Variants in NR2F1-AS1 observed in about 807,000 individuals in gnomAD.
The protein encoded by NR2F1-AS1 is NR2F1 regulatory antisense RNA 1.
intron 4 of NR2F1-AS1, among the ~76,000 whole-genome samples, chr5:93,461,607 AGAGT>A (rs1209842990): frequency 2.0e-5 from 3 of 152,246 alleles, no homozygotes; most frequent in Non-Finnish European, 4.4e-5. Flanking sequence ...CTGATGTTGT[AGAGT>A]GAGATGTAGT....
At chr5:93,437,853 C>T (rs188020073) in intron 4 of NR2F1-AS1, among the ~76,000 whole-genome samples, 1 of 152,244 alleles carries the variant, frequency 6.6e-6, no homozygotes, top group East Asian at 1.9e-4. Context: ...TCCTTCAAAA[C>T]AGCTTATTAT....
intron 4 of NR2F1-AS1, among the ~76,000 whole-genome samples, chr5:93,500,507 T>C (rs1751056950): frequency 6.6e-6 from 1 of 152,168 alleles, no homozygotes; most frequent in South Asian, 2.1e-4. Flanking sequence ...GTACTGCTCA[T>C]TAACAATGCA....
At chr5:93,464,240 A>C (rs538242046) in intron 4 of NR2F1-AS1, among the ~76,000 whole-genome samples, 11 of 152,128 alleles carry the variant, frequency 7.2e-5, no homozygotes, top group Non-Finnish European at 1.6e-4. Flanking sequence ...GGGGAGTTTC[A>C]CTGCACAAGC....
At chr5:93,483,722 C>T (rs891018385) in intron 4 of NR2F1-AS1, among the ~76,000 whole-genome samples, 2 of 152,132 alleles carry the variant, frequency 1.3e-5, no homozygotes, top group African/African-American at 2.4e-5. Flanking sequence ...AGACGAATTG[C>T]TAACTAGAAT....
At chr5:93,439,942 G>A (rs140595138) in intron 4 of NR2F1-AS1, among the ~76,000 whole-genome samples, 194 of 152,210 alleles carry the variant, frequency 1.3e-3, no homozygotes, top group African/African-American at 4.5e-3. Context: ...TAACCTCCTT[G>A]AAGACAATGT....
At chr5:93,496,334 T>C (rs1279928598) in intron 4 of NR2F1-AS1, among the ~76,000 whole-genome samples, 2 of 152,174 alleles carry the variant, frequency 1.3e-5, no homozygotes, top group Non-Finnish European at 1.5e-5. Flanking sequence ...AACCACATCC[T>C]ATAAACTCTA....
chr5:93,549,926 G>C (rs1752185670), intron 4 of NR2F1-AS1, among the ~76,000 whole-genome samples: 1 of 151,966 alleles, frequency 6.6e-6, no homozygotes, highest in South Asian at 2.1e-4. Flanking sequence ...AGAACACATG[G>C]ACACAGGGAG....
At chr5:93,569,017 A>G (rs945310250) in intron 1 of NR2F1-AS1, among the ~76,000 whole-genome samples, 1 of 152,184 alleles carries the variant, frequency 6.6e-6, no homozygotes, top group Admixed American at 6.5e-5. Context: ...AAGTTGCAGG[A>G]TAGCCTTGTA....
At chr5:93,481,740 T>C (rs1363933650) in intron 4 of NR2F1-AS1, among the ~76,000 whole-genome samples, 1 of 151,488 alleles carries the variant, frequency 6.6e-6, no homozygotes, top group Non-Finnish European at 1.5e-5. Flanking sequence ...AAGCTAGAAA[T>C]AAATAAAAGA....
At chr5:93,484,069 G>C (rs1750662503) in intron 4 of NR2F1-AS1, among the ~76,000 whole-genome samples, 1 of 152,108 alleles carries the variant, frequency 6.6e-6, no homozygotes, top group Non-Finnish European at 1.5e-5. Flanking sequence ...TAGCAAGACA[G>C]GCCAACATTC....
intron 4 of NR2F1-AS1, among the ~76,000 whole-genome samples, chr5:93,435,578 T>C (rs1299453418): frequency 6.6e-6 from 1 of 152,182 alleles, no homozygotes; most frequent in Non-Finnish European, 1.5e-5. Context: ...GTCACCACAC[T>C]GTTCCTGCAA....
chr5:93,488,204 CA>C (rs1292569916), intron 4 of NR2F1-AS1, among the ~76,000 whole-genome samples: 1 of 151,920 alleles, frequency 6.6e-6, no homozygotes, highest in Non-Finnish European at 1.5e-5. Flanking sequence ...TGACTAAAAT[CA>C]AAAGTAATGG....
chr5:93,562,652 T>G (rs1752519526), intron 2 of NR2F1-AS1, among the ~76,000 whole-genome samples: 1 of 152,288 alleles, frequency 6.6e-6, no homozygotes, highest in Admixed American at 6.5e-5. Context: ...TATATTTTCT[T>G]TTTATCTTAA....
intron 4 of NR2F1-AS1, among the ~76,000 whole-genome samples, chr5:93,510,398 C>T (rs1199715560): frequency 6.6e-6 from 1 of 152,116 alleles, no homozygotes; most frequent in East Asian, 1.9e-4. Flanking sequence ...CTCTGCACAT[C>T]TGAAATCCAT....
chr5:93,502,091 A>G (rs1434541098), intron 4 of NR2F1-AS1, among the ~76,000 whole-genome samples: 1 of 152,180 alleles, frequency 6.6e-6, no homozygotes, highest in East Asian at 1.9e-4. Context: ...AAGTATGTAA[A>G]CTGTTTTTTT....
At chr5:93,413,078 G>GTGTC (rs1283079156) in intron 4 of NR2F1-AS1, among the ~76,000 whole-genome samples, 1 of 149,704 alleles carries the variant, frequency 6.7e-6, no homozygotes. Flanking sequence ...GTGTGTGTGT[G>GTGTC]TGTGTGTGTG....
intron 4 of NR2F1-AS1, among the ~76,000 whole-genome samples, chr5:93,549,039 T>C (rs1752161999): frequency 6.6e-6 from 1 of 152,182 alleles, no homozygotes; most frequent in African/African-American, 2.4e-5. Context: ...TATATATAAT[T>C]CATTGCCTAA....
At chr5:93,520,124 C>T (rs1421873974) in intron 4 of NR2F1-AS1, among the ~76,000 whole-genome samples, 2 of 151,994 alleles carry the variant, frequency 1.3e-5, no homozygotes, top group Non-Finnish European at 2.9e-5. Flanking sequence ...ATATGATCTA[C>T]CTATTTAAAA....
chr5:93,542,920 A>T (rs1356588933), intron 4 of NR2F1-AS1: 1 of 152,312 alleles, frequency 6.6e-6, no homozygotes, highest in African/African-American at 2.4e-5. Flanking sequence ...ACCCACCCCA[A>T]GGACTTCCAT....
Sources: gnomAD v4.1 joint callset for allele counts (sites outside exome capture counted in the v4.1 genomes callset) on GRCh38, gnomAD v4.1.1 for gene constraint, MANE v1.5 for transcripts, NCBI Gene and HGNC (gene_info 2026-07-23, HGNC 2026-07-21) for gene names.